SAMD4A: variants seen among roughly 807,000 people sequenced by gnomAD.
SAMD4A encodes sterile alpha motif domain containing 4A.
SAMD4A carries 33 observed loss-of-function variants against 81.3 expected under a neutral mutation model. The ratio of observed to expected loss-of-function variants is 0.41; its 90% confidence interval spans 0.31 to 0.54. The LOEUF (loss-of-function observed/expected upper bound fraction) is 0.54, where lower values mean the gene tolerates loss of function less well. SAMD4A is among the 20% of genes least tolerant of loss of function. The probability of loss-of-function intolerance (pLI) is 0.37; values close to 1 mark genes in which losing one functional copy is unlikely to be tolerated. For synonymous variants in SAMD4A, 389 were observed against 382.1 expected (o/e 1.02, Z -0.21); for missense variants, 854 against 951.1 (o/e 0.90, Z 1.34).
chr14:54,590,367 T>G (rs1188607352), intron 2 of SAMD4A, among the ~76,000 whole-genome samples: 1 of 152,164 alleles, frequency 6.6e-6, no homozygotes, highest in Non-Finnish European at 1.5e-5. Flanking sequence ...GGTGTGTGCC[T>G]GTAGCCGCAG....
intron 2 of SAMD4A, among the ~76,000 whole-genome samples, chr14:54,573,113 C>T (rs931328649): frequency 6.6e-6 from 1 of 152,178 alleles, no homozygotes; most frequent in Admixed American, 6.5e-5. Context: ...ATATGAAGCA[C>T]TTTTCACTTA....
chr14:54,694,466 G>C, intron 2 of SAMD4A: 1 of 206,274 alleles, frequency 4.8e-6, no homozygotes, highest in Non-Finnish European at 8.5e-6. Flanking sequence ...GAGCAAAGAA[G>C]CAGATGTGGT....
At chr14:54,778,618 GT>G (rs199933718) in intron 11 of SAMD4A, among the ~76,000 whole-genome samples, 2,038 of 152,056 alleles carry the variant, frequency 0.013, 47 homozygotes, top group African/African-American at 0.046. Flanking sequence ...CGCTTTGAGT[GT>G]TTTTTTTAAA....
chr14:54,760,606 C>G, intron 7 of SAMD4A, 112 bp downstream of exon 7: 1 of 1,340,762 alleles, frequency 7.5e-7, no homozygotes, highest in Non-Finnish European at 9.5e-7. Flanking sequence ...AAGTAGACAT[C>G]ATTAGCTTCA....
intron 2 of SAMD4A, among the ~76,000 whole-genome samples, chr14:54,661,347 A>G (rs1346186910): frequency 6.6e-6 from 1 of 152,172 alleles, no homozygotes; most frequent in Non-Finnish European, 1.5e-5. Context: ...GATTTCTTTG[A>G]TGCCTTTTTA....
chr14:54,787,442 A>T (rs1179293941), intron 12 of SAMD4A, among the ~76,000 whole-genome samples: 1 of 152,232 alleles, frequency 6.6e-6, no homozygotes, highest in African/African-American at 2.4e-5. Flanking sequence ...CAAGGAAGCC[A>T]GGAACCAACC....
At chr14:54,738,122 C>T (rs946072646) in intron 4 of SAMD4A, among the ~76,000 whole-genome samples, 1 of 152,206 alleles carries the variant, frequency 6.6e-6, no homozygotes, top group South Asian at 2.1e-4. Flanking sequence ...GATGGTGAAA[C>T]AGTAACCACT....
intron 10 of SAMD4A, among the ~76,000 whole-genome samples, chr14:54,776,018 A>T (rs1406844363): frequency 2.7e-5 from 2 of 74,220 alleles, no homozygotes; most frequent in South Asian, 3.5e-4. Context: ...AGAATCTTAA[A>T]AAAAAAAAAA....
rs568205157 is a variant in SAMD4A, at chr14:54,585,424, ATT to A, written c.196+17313_196+17314del. Among the ~76,000 whole-genome samples, 3 of 152,212 alleles carry A rather than the reference ATT, an allele frequency of 2.0e-5. No individual in the cohort carries two copies. The South Asian group carries it at 6.2e-4, about 32-fold the overall frequency. On this transcript the variant is annotated intron_variant, in intron 2 of 12. Coordinates refer to ENST00000554335, the MANE Select transcript of SAMD4A (RefSeq NM_015589.6). ...TATGTAATATGTTAACCATGACATC[ATT>A]CTTTTTAAAAATTTTTTAAATTTTT...
chr14:54,666,157 G>C (rs983694428), intron 2 of SAMD4A, among the ~76,000 whole-genome samples: 6 of 152,206 alleles, frequency 3.9e-5, no homozygotes, highest in Admixed American at 1.3e-4. Flanking sequence ...ATGATTGTGG[G>C]GAAATCCCAG....
intron 2 of SAMD4A, among the ~76,000 whole-genome samples, chr14:54,631,615 T>C (rs912482618): frequency 6.6e-6 from 1 of 152,228 alleles, no homozygotes; most frequent in Non-Finnish European, 1.5e-5. Context: ...GAAGGAGTTT[T>C]CCTTTTACTG....
intron 11 of SAMD4A, among the ~76,000 whole-genome samples, chr14:54,782,242 A>C (rs2039015839): frequency 1.3e-5 from 2 of 152,152 alleles, no homozygotes; most frequent in African/African-American, 4.8e-5. Flanking sequence ...TATTTATCCA[A>C]ATCTCTCCAC....
At chr14:54,696,491 C>G (rs1414756982) in intron 2 of SAMD4A, among the ~76,000 whole-genome samples, 2 of 152,232 alleles carry the variant, frequency 1.3e-5, no homozygotes, top group African/African-American at 4.8e-5. Context: ...CCATTTCTTG[C>G]ATGAGCAAAT....
chr14:54,650,728 G>A (rs939925539), intron 2 of SAMD4A, among the ~76,000 whole-genome samples: 2 of 152,010 alleles, frequency 1.3e-5, no homozygotes, highest in African/African-American at 4.8e-5. Context: ...CCCAACATAA[G>A]CTTTTCTCCT....
In SAMD4A at chr14:54,774,991, G is replaced by A. The variant is rs2038804141; in HGVS notation, c.1773G>A (p.Met591Ile). The change falls in exon 10 of 13, where the codon ATG becomes ATA. Residue 591 changes from methionine to isoleucine, a missense_variant. Met to Ile is a conservative substitution (Grantham distance 10). Transcript: ENST00000554335. ...LPTAGSVGGG[M>I]GRRNPRQYQI... ...CGGCTGGCTCTGTGGGCGGTGGCAT[G>A]GGCAGACGGAACCCGCGCCAGTACC... is the stretch of plus-strand genomic sequence containing the variant. 3 of 1,614,174 alleles carry A rather than the reference G, an allele frequency of 1.9e-6. No individual in the cohort carries two copies. The highest frequency in any genetic ancestry group is 1.7e-5 in the Admixed American group (1 of 60,026).
Position 54,608,015 on chromosome 14 carries a change from C to CAA in SAMD4A, c.196+39923_196+39924dup, listed in dbSNP as rs765121682. ...TGGGTGACAGAGCAAGACTCCGTCT[C>CAA]AAAAAAAAAAAAAAAAAAAAATTGG... On this transcript the variant is annotated intron_variant, in intron 2 of 12. Transcript: ENST00000554335. 5.4e-3 allele frequency among the ~76,000 whole-genome samples: 326 copies of CAA among 60,618 alleles called. 2 individuals are homozygous for CAA. The highest frequency in any genetic ancestry group is 0.017 in the African/African-American group (282 of 16,580). The allele number at this position is 60,618 out of a possible 152,430, so 39.8% of individuals were successfully genotyped here. A position where few individuals can be genotyped will look rare whatever the true frequency, so the allele number is the denominator to read the frequency against.
chr14:54,643,679 G>C (rs1218962451), intron 2 of SAMD4A, among the ~76,000 whole-genome samples: 1 of 152,190 alleles, frequency 6.6e-6, no homozygotes, highest in Non-Finnish European at 1.5e-5. Context: ...AAAATGTGTG[G>C]TAAAGTATTC....
chr14:54,740,918 G>A (rs577790728), intron 4 of SAMD4A, among the ~76,000 whole-genome samples: 10 of 152,282 alleles, frequency 6.6e-5, no homozygotes, highest in East Asian at 3.9e-4. Flanking sequence ...AAGATCTCAC[G>A]CTAATATCTC....
At chr14:54,587,614 C>T (rs960801272) in intron 2 of SAMD4A, among the ~76,000 whole-genome samples, 5 of 152,128 alleles carry the variant, frequency 3.3e-5, no homozygotes, top group African/African-American at 4.8e-5. Context: ...TGGATTTTGT[C>T]AAATGCTGTT....
Sources: gnomAD v4.1 joint callset for allele counts (sites outside exome capture counted in the v4.1 genomes callset) on GRCh38, gnomAD v4.1.1 for gene constraint, MANE v1.5 for transcripts, NCBI Gene and HGNC (gene_info 2026-07-23, HGNC 2026-07-21) for gene names.